The following PTPRD variants were observed in gnomAD, a reference collection of about 807,000 sequenced individuals.
The protein encoded by PTPRD is protein tyrosine phosphatase receptor type D, also known as receptor-type tyrosine-protein phosphatase delta.
PTPRD carries 34 observed loss-of-function variants against 214.5 expected under a neutral mutation model. That is an observed-to-expected ratio of 0.16 (90% confidence interval 0.12 to 0.21). The LOEUF is 0.21. Among genes scored for constraint, PTPRD ranks in the 10% least tolerant of loss-of-function variants. The probability of loss-of-function intolerance (pLI) is 1.00; values close to 1 mark genes in which losing one functional copy is unlikely to be tolerated. For missense variants in PTPRD, 2,545 were observed against 2,398.7 expected, an observed-to-expected ratio of 1.06 and a Z score of -1.27; for synonymous variants, 1,128 against 845.7, an observed-to-expected ratio of 1.33 and a Z score of -5.79.
chr9:9,819,430 A>G (rs1178204402), intron 5 of PTPRD, among the ~76,000 whole-genome samples: 2 of 152,224 alleles, frequency 1.3e-5, no homozygotes, highest in African/African-American at 4.8e-5. Context: ...TAAGGACATA[A>G]GCCTAATGAT....
At chr9:9,456,977 A>C (rs1405246641) in intron 8 of PTPRD, among the ~76,000 whole-genome samples, 1 of 151,364 alleles carries the variant, frequency 6.6e-6, no homozygotes, top group Non-Finnish European at 1.5e-5. Flanking sequence ...CTACTGTAAC[A>C]GGCATGACAA....
At chr9:8,352,956 C>T (rs1399093410) in intron 39 of PTPRD, among the ~76,000 whole-genome samples, 1 of 152,004 alleles carries the variant, frequency 6.6e-6, no homozygotes, top group Admixed American at 6.5e-5. Context: ...ACTAAAACTA[C>T]AAAAATTAGC....
chr9:8,582,565 A>AG (rs58248239), intron 14 of PTPRD, among the ~76,000 whole-genome samples: 3,700 of 152,128 alleles, frequency 0.024, 136 homozygotes, highest in East Asian at 0.1. Context: ...ATGATATAAT[A>AG]GGGAAAAAAG....
intron 3 of PTPRD, among the ~76,000 whole-genome samples, chr9:10,287,440 A>G (rs1430997280): frequency 6.6e-6 from 1 of 152,180 alleles, no homozygotes; most frequent in Non-Finnish European, 1.5e-5. Context: ...CAGTCCCCGC[A>G]TGGAGACTGT....
intron 9 of PTPRD, among the ~76,000 whole-genome samples, chr9:9,346,349 T>A (rs952716713): frequency 2.0e-5 from 3 of 152,144 alleles, no homozygotes; most frequent in Non-Finnish European, 4.4e-5. Flanking sequence ...GTAACATAAT[T>A]TGATCTTGAG....
In PTPRD at chr9:9,793,931, A is replaced by T. The variant is rs190436439; in HGVS notation, c.-367-27080T>A. The stretch of plus-strand genomic sequence containing the variant: ...TGAAATTCAACCCACTACTTCCTAA[A>T]ATATAAGAGTATCAAAGAGCTGAAG... On this transcript the variant is annotated intron_variant, in intron 5 of 45. Transcript: ENST00000381196. 5.4e-3 allele frequency among the ~76,000 whole-genome samples: 823 copies of T among 152,188 alleles called. 9 individuals are homozygous for T. Among genetic ancestry groups the T allele is most frequent in the African/African-American group, 0.019 (787 of 41,552 alleles).
At chr9:9,758,744 C>T (rs1219074722) in intron 6 of PTPRD, among the ~76,000 whole-genome samples, 1 of 151,376 alleles carries the variant, frequency 6.6e-6, no homozygotes, top group Non-Finnish European at 1.5e-5. Context: ...GCCACCCACC[C>T]CCAACCCCCA....
At chr9:10,496,106 A>G (rs910202700) in intron 2 of PTPRD, among the ~76,000 whole-genome samples, 1 of 151,786 alleles carries the variant, frequency 6.6e-6, no homozygotes, top group African/African-American at 2.4e-5. Context: ...CAAAACCATA[A>G]TTTCATAATA....
At chr9:9,643,324 T>G (rs1322046872) in intron 7 of PTPRD, among the ~76,000 whole-genome samples, 4 of 152,098 alleles carry the variant, frequency 2.6e-5, no homozygotes, top group Non-Finnish European at 5.9e-5. Flanking sequence ...TCAGAACCAG[T>G]TGCATAGAAA....
chr9:9,702,069 G>A (rs1469185076), intron 7 of PTPRD, among the ~76,000 whole-genome samples: 7 of 152,156 alleles, frequency 4.6e-5, no homozygotes, highest in African/African-American at 1.4e-4. Context: ...GCAGTGAGCC[G>A]AGATTGTGCC....
intron 3 of PTPRD, among the ~76,000 whole-genome samples, chr9:10,063,373 C>G (rs1385124565): frequency 6.6e-6 from 1 of 151,734 alleles, no homozygotes; most frequent in Non-Finnish European, 1.5e-5. Flanking sequence ...AAATTGGGTT[C>G]AATTATACAT....
chr9:9,965,457 C>T (rs1485089950), intron 4 of PTPRD, among the ~76,000 whole-genome samples: 3 of 151,992 alleles, frequency 2.0e-5, no homozygotes, highest in African/African-American at 4.8e-5. Context: ...GAGCACTTGT[C>T]GGGGACAGGA....
At chr9:9,610,921 C>G (rs1351529846) in intron 7 of PTPRD, among the ~76,000 whole-genome samples, 2 of 152,142 alleles carry the variant, frequency 1.3e-5, no homozygotes, top group African/African-American at 4.8e-5. Context: ...TACCATTTCA[C>G]TGACCAGTAT....
At chr9:8,657,578 G>C (rs571109720) in intron 12 of PTPRD, among the ~76,000 whole-genome samples, 1 of 152,040 alleles carries the variant, frequency 6.6e-6, no homozygotes, top group South Asian at 2.1e-4. Context: ...ATTTTCTCCC[G>C]TTCTGTAGGT....
At chr9:9,663,231 G>A (rs2096653353) in intron 7 of PTPRD, among the ~76,000 whole-genome samples, 1 of 151,176 alleles carries the variant, frequency 6.6e-6, no homozygotes, top group African/African-American at 2.4e-5. Flanking sequence ...AGTAGTCATG[G>A]AAAGAAAATA....
chr9:10,457,506 C>T (rs1459887750), intron 2 of PTPRD, among the ~76,000 whole-genome samples: 2 of 151,896 alleles, frequency 1.3e-5, no homozygotes, highest in Admixed American at 1.3e-4. Flanking sequence ...AAGAATACAC[C>T]ACACTTCATT....
chr9:8,568,538 C>T (rs201654563), intron 14 of PTPRD, among the ~76,000 whole-genome samples: 13 of 152,176 alleles, frequency 8.5e-5, no homozygotes, highest in East Asian at 5.8e-4. Flanking sequence ...TATTAACCTT[C>T]GGTAAAACAC....
intron 11 of PTPRD, among the ~76,000 whole-genome samples, chr9:8,747,242 G>A (rs929099085): frequency 1.3e-5 from 2 of 152,062 alleles, no homozygotes; most frequent in Non-Finnish European, 2.9e-5. Flanking sequence ...TAGAAAATGT[G>A]CTTACTTCAC....
chr9:9,830,433 C>T lies in PTPRD; in HGVS notation c.-367-63582G>A, dbSNP rs1442980129. Among the ~76,000 whole-genome samples, 26 of 151,918 alleles carry T rather than the reference C, an allele frequency of 1.7e-4. No homozygotes were observed. The East Asian group carries it at 5.0e-3, about 29-fold the overall frequency. Reference sequence around the variant, plus strand: ...AAGGGAAGCAGCTTATAAAAGATTACATAAAGTATGATCCTATTTTTGATA... The same window carrying T: ...AAGGGAAGCAGCTTATAAAAGATTATATAAAGTATGATCCTATTTTTGATA... On this transcript the variant is annotated intron_variant, in intron 5 of 45. Transcript: ENST00000381196.
Sources: allele counts gnomAD v4.1 joint callset (sites outside exome capture counted in the v4.1 genomes callset), GRCh38; gene constraint gnomAD v4.1.1; transcripts MANE v1.5; gene names NCBI Gene and HGNC (gene_info 2026-07-23, HGNC 2026-07-21).